The following GPATCH3 variants were observed in gnomAD, a reference collection of about 807,000 sequenced individuals.
GPATCH3 encodes the protein G-patch domain containing 3, also known as G patch domain-containing protein 3.
In GPATCH3, 45 loss-of-function variants were observed where a neutral mutation model predicts 53.2. That is an observed-to-expected ratio of 0.85 (90% CI 0.67 to 1.08). The LOEUF is 1.08. Ranked by LOEUF, GPATCH3 falls within the 50% of genes least tolerant of loss-of-function variation. GPATCH3 has a pLI of 0.00. For synonymous variants in GPATCH3, 280 were observed against 270.6 expected (o/e 1.03, Z -0.34); for missense variants, 680 against 687.2 (o/e 0.99, Z 0.12).
chr1:26,900,370 G>A lies in GPATCH3; in HGVS notation c.73C>T (p.Arg25Cys). 6.2e-7 allele frequency: 1 copy of A among 1,613,972 alleles called. No homozygotes were observed. Among genetic ancestry groups the A allele is most frequent in the Non-Finnish European group, 8.5e-7 (1 of 1,180,010 alleles). ...AAATAGCTCCGTAAATGGGCCGAGC[G>A]CAACACGGAGGGGATACCGCTCACT... ...LVVSGIPSVL[R>C]SAHLRSYFSQ... The change falls in exon 1 of 7, where the codon CGC becomes TGC. Residue 25 changes from arginine (R) to cysteine (C), a missense_variant. By Grantham distance (180) the Arg-to-Cys change is radical (BLOSUM62 -3). Transcript: ENST00000361720.
intron 6 of GPATCH3, among the ~76,000 whole-genome samples, chr1:26,892,132 C>T (rs151096971): frequency 6.4e-4 from 97 of 152,260 alleles, no homozygotes; most frequent in African/African-American, 2.2e-3. Flanking sequence ...CGTGAGCTAC[C>T]ACGCCCGGAC....
Position 26,900,401 on chromosome 1 carries a change from G to T in GPATCH3, c.42C>A (p.Tyr14Ter), listed in dbSNP as rs770909448. Residue 14 changes from tyrosine to a stop codon, truncating the protein, a stop_gained, in exon 1 of 7, where the codon TAC becomes TAA. Transcript: ENST00000361720. LOFTEE classifies it high-confidence loss of function. ...PGEAEEEATV[Y>*]LVVSGIPSVL... ...CGGAGGGGATACCGCTCACTACCAG[G>T]TAAACTGTCGCCTCCTCCTCCGCCT... 2 of 1,612,698 alleles carry T rather than the reference G, an allele frequency of 1.2e-6. No individual in the cohort carries two copies. Among genetic ancestry groups the T allele is most frequent in the Non-Finnish European group, 1.7e-6 (2 of 1,179,042 alleles).
chr1:26,893,487 G>A, intron 3 of GPATCH3, 39 bp from the exon 4 acceptor site: 1 of 1,428,274 alleles, frequency 7.0e-7, no homozygotes, highest in Non-Finnish European at 9.8e-7. Context: ...GTACATTAAG[G>A]ACTCTCAGTT....
Position 26,894,425 on chromosome 1 carries a change from G to C in GPATCH3, c.877-15C>G, listed in dbSNP as rs762761245. 1.2e-6 allele frequency: 2 copies of C among 1,612,758 alleles called. No homozygotes were observed. Among genetic ancestry groups the C allele is most frequent in the South Asian group, 1.1e-5 (1 of 90,956 alleles). On this transcript the variant is annotated splice_polypyrimidine_tract_variant and intron_variant, in intron 2 of 6. Coordinates refer to ENST00000361720, the MANE Select transcript of GPATCH3 (RefSeq NM_022078.3). ...CGGTCATCGTCCTAAAAGGCAGGGA[G>C]AGGTGATTTGCCTGAGCTTCCTGAC...
rs2081969085 is a variant in GPATCH3 at position 26,900,169 on chromosome 1, G to C, written c.274C>G (p.Arg92Gly). Residue 92 changes from arginine (R) to glycine (G), a missense_variant, in exon 1 of 7, where the codon CGA (arginine) becomes GGA (glycine). Coordinates refer to ENST00000361720, the MANE Select transcript of GPATCH3 (RefSeq NM_022078.3). ...SATDVRPLSTRDSTPIQTRTC... is the reference protein window; with the variant it reads ...SATDVRPLSTGDSTPIQTRTC... ...CGGGTCTGGATTGGAGTAGAGTCTC[G>C]AGTGGAGAGAGGCCGGACATCGGTG... 1 of 1,614,120 alleles carries C rather than the reference G, an allele frequency of 6.2e-7. No homozygotes were observed. The highest frequency in any genetic ancestry group is 8.5e-7 in the Non-Finnish European group (1 of 1,180,020).
rs548019292 is a variant in GPATCH3 at position 26,897,480 on chromosome 1, C to T, written c.697G>A (p.Gly233Ser). 20 of 1,614,086 alleles carry T rather than the reference C, an allele frequency of 1.2e-5. No homozygotes were observed. Among genetic ancestry groups the T allele is most frequent in the Admixed American group, 5.0e-5 (3 of 59,990 alleles). Reference sequence around the variant, plus strand: ...TCCTCATACTCAAAAGGCACATTGCCGTAGCGCCGGGAGGAACCTGTCTTG... The same window carrying T: ...TCCTCATACTCAAAAGGCACATTGCTGTAGCGCCGGGAGGAACCTGTCTTG... ...FPKTGSSRRY[G>S]NVPFEYEDSE... The change falls in exon 2 of 7, where the codon GGC becomes AGC. Residue 233 changes from glycine (G) to serine (S), a missense_variant. Coordinates refer to ENST00000361720, the MANE Select transcript of GPATCH3 (RefSeq NM_022078.3).
intron 1 of GPATCH3, among the ~76,000 whole-genome samples, chr1:26,897,999 G>A (rs1200652517): frequency 1.3e-5 from 2 of 151,990 alleles, no homozygotes; most frequent in African/African-American, 2.4e-5. Context: ...TTAGCTGGGA[G>A]TGGTGGTGCA....
chr1:26,890,806 A>G lies in GPATCH3; in HGVS notation c.*204T>C. ...CCAAAGACAAGCGGTCGTTACCCCT[A>G]ATATCCAAGGGGAGGGGACGGGAGG... On this transcript the variant is annotated 3_prime_UTR_variant, in exon 7 of 7. Coordinates refer to ENST00000361720, the MANE Select transcript of GPATCH3 (RefSeq NM_022078.3). 1.3e-6 allele frequency: 1 copy of G among 767,534 alleles called. No individual in the cohort carries two copies. Among genetic ancestry groups the G allele is most frequent in the Admixed American group, 1.7e-5 (1 of 58,458 alleles). 47.5% of individuals were successfully genotyped at this position (767,534 alleles called of 1,614,324 possible).
chr1:26,891,890 G>A (rs190429337), intron 6 of GPATCH3, among the ~76,000 whole-genome samples: 1 of 152,260 alleles, frequency 6.6e-6, no homozygotes, highest in African/African-American at 2.4e-5. Context: ...TGTATTTTTA[G>A]TAGACACAGG....
At chr1:26,891,713 AT>A (rs936195763) in intron 6 of GPATCH3, among the ~76,000 whole-genome samples, 110 of 136,848 alleles carry the variant, frequency 8.0e-4, no homozygotes, top group Admixed American at 1.3e-3. Context: ...TGCCCAGCTA[AT>A]TTTTTTTTTT....
At position 26,893,222 on chromosome 1, in the gene GPATCH3, C is replaced by T. The variant is rs576475861; in HGVS notation, c.1111+167G>A. Among the ~76,000 whole-genome samples, 19 of 152,344 alleles carry T rather than the reference C, an allele frequency of 1.2e-4. No homozygotes were observed. The South Asian group carries it at 3.7e-3, about 30-fold the overall frequency. ...GGATGAAGGCTCTGTCCAAAACTAG[C>T]ACTTAATGTACACAACCAAAGATGT... is the stretch of plus-strand genomic sequence containing the variant. On this transcript the variant is annotated intron_variant, in intron 4 of 6. Coordinates refer to ENST00000361720, the MANE Select transcript of GPATCH3 (RefSeq NM_022078.3).
In GPATCH3 at chr1:26,890,968, G is replaced by A. The variant is rs757259598; in HGVS notation, c.*42C>T. On this transcript the variant is annotated 3_prime_UTR_variant, in exon 7 of 7. Coordinates refer to ENST00000361720, the MANE Select transcript of GPATCH3 (RefSeq NM_022078.3). ...CAGTGGTAGATGAGGCCAGGGCAGA[G>A]GGTTTTCATCATGTAGCTATGAAAG... 1.0e-5 allele frequency: 16 copies of A among 1,551,576 alleles called. No individual in the cohort carries two copies. The highest frequency in any genetic ancestry group is 1.4e-5 in the Non-Finnish European group (16 of 1,123,774).
At chr1:26,893,052 C>T (rs1283357872) in intron 4 of GPATCH3, among the ~76,000 whole-genome samples, 1 of 152,174 alleles carries the variant, frequency 6.6e-6, no homozygotes, top group African/African-American at 2.4e-5. Flanking sequence ...CCCTACTTGG[C>T]TATTTCCCCC....
intron 1 of GPATCH3, among the ~76,000 whole-genome samples, 192 bp from the exon 2 acceptor site, chr1:26,897,917 G>A (rs1343452400): frequency 2.0e-5 from 3 of 152,124 alleles, no homozygotes; most frequent in Admixed American, 2.0e-4. Context: ...CAGGAGGATT[G>A]CTTGAGCTCA....
Position 26,894,314 on chromosome 1 carries a change from TCTC to T in GPATCH3, c.970_972del (p.Glu324del). 1.2e-6 allele frequency: 2 copies of T among 1,613,894 alleles called. No individual in the cohort carries two copies. Among genetic ancestry groups the T allele is most frequent in the Middle Eastern group, 1.6e-4 (1 of 6,062 alleles). ...CCACCCTTCTCCCACTTGAGCTCAATCTCCTCCTCAAAGAGCTGCTCAGTGGTC... is the reference window on the plus strand; with the variant it reads ...CCACCCTTCTCCCACTTGAGCTCAATCTCCTCAAAGAGCTGCTCAGTGGTC... On this transcript the variant is annotated inframe_deletion, in exon 3 of 7. Coordinates refer to ENST00000361720, the MANE Select transcript of GPATCH3 (RefSeq NM_022078.3).
At chr1:26,899,883 TA>T in intron 1 of GPATCH3, 108 bp downstream of exon 1, 2 of 958,054 alleles carry the variant, frequency 2.1e-6, no homozygotes, top group Non-Finnish European at 3.1e-6. Context: ...GAATATGAAC[TA>T]AACTCATAGA....
At chr1:26,897,792 G>GC in intron 1 of GPATCH3, 67 bp from the exon 2 acceptor site, 1 of 1,346,448 alleles carries the variant, frequency 7.4e-7, no homozygotes, top group Non-Finnish European at 1.0e-6. Context: ...CCAGAAATTG[G>GC]CCAATGTTTA....
chr1:26,891,100 G>A lies in GPATCH3; in HGVS notation c.1488C>T (p.Arg496=). 1 of 1,614,166 alleles carries A rather than the reference G, an allele frequency of 6.2e-7. No individual in the cohort carries two copies. Among genetic ancestry groups the A allele is most frequent in the East Asian group, 2.2e-5 (1 of 44,882 alleles). The stretch of plus-strand genomic sequence containing the variant: ...GAAACTTCATGCTGGTGGGTGGCTG[G>A]CGGCGGAGCAGTGACTCCGTCTGGT... ...PQDQTESLLR[R]QPPTSMKFRT... is the part of the protein sequence containing the mutation. The change falls in exon 7 of 7, where the codon CGC becomes CGT. Residue 496 remains arginine, a synonymous_variant. Coordinates refer to ENST00000361720, the MANE Select transcript of GPATCH3 (RefSeq NM_022078.3).
intron 1 of GPATCH3, among the ~76,000 whole-genome samples, chr1:26,897,938 A>G (rs2081958531): frequency 6.6e-6 from 1 of 151,930 alleles, no homozygotes; most frequent in South Asian, 2.1e-4. Context: ...GGAGTTCAAG[A>G]CCAGCCTGGG....
Sources: gnomAD v4.1 joint callset for allele counts (sites outside exome capture counted in the v4.1 genomes callset) on GRCh38, gnomAD v4.1.1 for gene constraint, MANE v1.5 for transcripts, NCBI Gene and HGNC (gene_info 2026-07-23, HGNC 2026-07-21) for gene names.